PHACTR2: variants seen among roughly 807,000 people sequenced by gnomAD.
PHACTR2 encodes the protein phosphatase and actin regulator 2.
In PHACTR2, 30 loss-of-function variants were observed where a neutral mutation model predicts 76.0. That is an observed-to-expected ratio of 0.39 (90% confidence interval 0.30 to 0.54). PHACTR2 has a LOEUF of 0.54. Ranked by LOEUF, PHACTR2 falls within the 20% of genes least tolerant of loss-of-function variation. The pLI, the probability that PHACTR2 is intolerant of heterozygous loss-of-function variation, is 0.61. For missense variants in PHACTR2, 696 were observed against 781.1 expected (o/e 0.89, Z 1.30); for synonymous variants, 292 against 292.5 (o/e 1.00, Z 0.02).
At position 143,557,154 on chromosome 6, in the gene PHACTR2, T is replaced by C. The variant is rs554280653; in HGVS notation, c.217+19947T>C. Reference sequence around the variant, plus strand: ...ACTTCCTGAAGGGTTAAAGGCCAGGTAATGGCCATTCACATTATTTTGCAA... The same window carrying C: ...ACTTCCTGAAGGGTTAAAGGCCAGGCAATGGCCATTCACATTATTTTGCAA... On this transcript the variant is annotated intron_variant, in intron 1 of 11. Transcript: ENST00000367584. The surrounding 1 kb of genome is among the most constrained non-coding windows in gnomAD (Gnocchi z 5.5). 1.4e-4 allele frequency among the ~76,000 whole-genome samples: 21 copies of C among 152,346 alleles called. No individual in the cohort carries two copies. In the East Asian group the frequency reaches 4.1e-3, roughly 29 times the overall value.
chr6:143,704,988 G>A (rs10457751), intron 1 of PHACTR2, among the ~76,000 whole-genome samples: 63,157 of 150,864 alleles, frequency 0.42, 13,762 homozygotes, highest in Middle Eastern at 0.57. Context: ...CACCATGCCC[G>A]GATAATGTTT....
chr6:143,594,056 A>C (rs1775722423), intron 1 of PHACTR2, among the ~76,000 whole-genome samples: 1 of 152,208 alleles, frequency 6.6e-6, no homozygotes, highest in South Asian at 2.1e-4. Context: ...ATGCTCCAAA[A>C]TCTGAAACTT....
At chr6:143,638,265 T>A (rs1300406413) in intron 1 of PHACTR2, among the ~76,000 whole-genome samples, 2 of 152,158 alleles carry the variant, frequency 1.3e-5, no homozygotes, top group African/African-American at 4.8e-5. Context: ...GAATGCCAGG[T>A]GCAGTGGCTC....
intron 4 of PHACTR2, among the ~76,000 whole-genome samples, chr6:143,758,888 T>C (rs1014876931): frequency 2.0e-5 from 3 of 152,156 alleles, no homozygotes; most frequent in African/African-American, 7.2e-5. Flanking sequence ...AATTCTATAC[T>C]TCACACTCAT....
chr6:143,545,163 T>G (rs574817698), intron 1 of PHACTR2, among the ~76,000 whole-genome samples: 1 of 152,288 alleles, frequency 6.6e-6, no homozygotes, highest in East Asian at 1.9e-4. Context: ...CAGGATGGTC[T>G]CGAACTCCTG....
At chr6:143,691,200 T>G (rs2128456135) in intron 1 of PHACTR2, among the ~76,000 whole-genome samples, 1 of 152,270 alleles carries the variant, frequency 6.6e-6, no homozygotes, top group African/African-American at 2.4e-5. Flanking sequence ...CAACTTATGA[T>G]GGGATTACAT....
At chr6:143,613,873 G>C (rs1047106454) in intron 1 of PHACTR2, among the ~76,000 whole-genome samples, 1 of 152,030 alleles carries the variant, frequency 6.6e-6, no homozygotes, top group African/African-American at 2.4e-5. Flanking sequence ...TAGCATTCAG[G>C]CAATTTTAAG....
chr6:143,823,763 T>C lies in PHACTR2; in HGVS notation c.*74T>C. On this transcript the variant is annotated 3_prime_UTR_variant, in exon 13 of 13. Transcript: ENST00000440869. This position sits in a 1 kb window ranked among gnomAD's most constrained non-coding sequence, Gnocchi z 5.7. ...GCCCTGCTTCCTGAAAACCTGATATTGCACTGGGATTTGAATGTGTGTGTT... is the reference window on the plus strand; with the variant it reads ...GCCCTGCTTCCTGAAAACCTGATATCGCACTGGGATTTGAATGTGTGTGTT... The C allele has an allele frequency of 8.6e-7, 1 of 1,163,346 alleles. No homozygotes were observed. Among genetic ancestry groups the C allele is most frequent in the Non-Finnish European group, 1.3e-6 (1 of 770,180 alleles). The allele number at this position is 1,163,346 out of a possible 1,614,324, so 72.1% of individuals were successfully genotyped here. A position where few individuals can be genotyped will look rare whatever the true frequency, so the allele number is the denominator to read the frequency against.
At chr6:143,726,769 G>C (rs1399712460) in intron 2 of PHACTR2, among the ~76,000 whole-genome samples, 2 of 152,082 alleles carry the variant, frequency 1.3e-5, no homozygotes, top group African/African-American at 4.8e-5. Flanking sequence ...GTGGTATTTT[G>C]TCATGGTTTT....
rs1355047806 is a variant in PHACTR2, at chr6:143,795,559, A to G, written c.1845+6649A>G. On this transcript the variant is annotated intron_variant, in intron 11 of 12. Coordinates refer to ENST00000440869, the MANE Select transcript of PHACTR2 (RefSeq NM_001100164.2). This position sits in a 1 kb window ranked among gnomAD's most constrained non-coding sequence, Gnocchi z 4.8. ...ACGAGCTGGCCCTTCAGTGGCAGAG[A>G]GGTGAGGTCAGAGAAGGCCATTGAA... 6.6e-6 allele frequency among the ~76,000 whole-genome samples: 1 copy of G among 152,202 alleles called. No homozygotes were observed. Among genetic ancestry groups the G allele is most frequent in the Non-Finnish European group, 1.5e-5 (1 of 68,038 alleles).
Position 143,821,067 on chromosome 6 carries a change from C to G in PHACTR2, c.1923-2607C>G, listed in dbSNP as rs1372448564. ...TGGCTGGGATGCAGGGAACAATGTC[C>G]TGAGGCTGCACGAGGCAGCAGGGCC... On this transcript the variant is annotated intron_variant, in intron 12 of 12. Coordinates refer to ENST00000440869, the MANE Select transcript of PHACTR2 (RefSeq NM_001100164.2). This position sits in a 1 kb window ranked among gnomAD's most constrained non-coding sequence, Gnocchi z 5.2. Among the ~76,000 whole-genome samples the G allele has an allele frequency of 1.3e-5, 2 of 152,246 alleles. No individual in the cohort carries two copies. The highest frequency in any genetic ancestry group is 2.9e-5 in the Non-Finnish European group (2 of 68,044).
intron 2 of PHACTR2, among the ~76,000 whole-genome samples, chr6:143,727,584 G>A (rs572857351): frequency 2.2e-4 from 27 of 124,406 alleles, no homozygotes; most frequent in African/African-American, 4.3e-4. Flanking sequence ...TACCAACACC[G>A]TGTAAGAGTT....
Position 143,806,525 on chromosome 6 carries a change from G to C in PHACTR2, c.1846-532G>C, listed in dbSNP as rs182210816. 3.3e-5 allele frequency among the ~76,000 whole-genome samples: 5 copies of C among 152,268 alleles called. No individual in the cohort carries two copies. Among genetic ancestry groups the C allele is most frequent in the African/African-American group, 1.2e-4 (5 of 41,530 alleles). On this transcript the variant is annotated intron_variant, in intron 11 of 12. Transcript: ENST00000440869. The surrounding 1 kb of genome is among the most constrained non-coding windows in gnomAD (Gnocchi z 5.8). ...GGTCATCGTGGGTGGGGGATGTTCC[G>C]TGTGACTCATAGACCAGACTCAAGG...
chr6:143,659,421 G>A lies in PHACTR2; in HGVS notation c.13+51099G>A, dbSNP rs1046388771. Among the ~76,000 whole-genome samples the A allele has an allele frequency of 5.3e-5, 8 of 152,286 alleles. No homozygotes were observed. In the South Asian group the frequency reaches 6.2e-4, roughly 12 times the overall value. ...CAGTCAAGGTGTCAGTAGGGATGTC[G>A]TCTCATCCAAGGCTTGACTGAGGAA... On this transcript the variant is annotated intron_variant, in intron 1 of 11. Coordinates refer to the PHACTR2 transcript ENST00000305766. This position sits in a 1 kb window ranked among gnomAD's most constrained non-coding sequence, Gnocchi z 5.0.
At position 143,739,356 on chromosome 6, in the gene PHACTR2, C is replaced by A. The variant is rs1229532085; in HGVS notation, c.215-9629C>A. Among the ~76,000 whole-genome samples the A allele has an allele frequency of 6.6e-6, 1 of 152,210 alleles. No individual in the cohort carries two copies. Among genetic ancestry groups the A allele is most frequent in the Admixed American group, 6.5e-5 (1 of 15,284 alleles). On this transcript the variant is annotated intron_variant, in intron 2 of 12. Transcript: ENST00000440869. This position sits in a 1 kb window ranked among gnomAD's most constrained non-coding sequence, Gnocchi z 4.3. ...GGGATTACAGGTGTGAGCCACCGCA[C>A]CCGGCTGCGAGATTCACTTTAAAAT...
In PHACTR2 at chr6:143,743,742, T is replaced by G. The variant is rs569727582; in HGVS notation, c.215-5243T>G. On this transcript the variant is annotated intron_variant, in intron 2 of 12. Transcript: ENST00000440869. The surrounding 1 kb of genome is among the most constrained non-coding windows in gnomAD (Gnocchi z 5.0). The stretch of plus-strand genomic sequence containing the variant: ...CTGTCACAGTTTTACAGTGAGGCCA[T>G]TCAGTACTCAGAACTGAGAAGATAG... Among the ~76,000 whole-genome samples the G allele has an allele frequency of 7.0e-4, 107 of 152,342 alleles. 1 individual carries two copies. Among genetic ancestry groups the G allele is most frequent in the Admixed American group, 1.9e-3 (29 of 15,308 alleles).
rs528520863 is a variant in PHACTR2, at chr6:143,654,306, A to G, written c.13+45984A>G. 2.0e-5 allele frequency among the ~76,000 whole-genome samples: 3 copies of G among 152,318 alleles called. No homozygotes were observed. Among genetic ancestry groups the G allele is most frequent in the South Asian group, 4.1e-4 (2 of 4,826 alleles). On this transcript the variant is annotated intron_variant, in intron 1 of 11. Coordinates refer to the PHACTR2 transcript ENST00000305766. The surrounding 1 kb of genome is among the most constrained non-coding windows in gnomAD (Gnocchi z 4.6). ...GGCAGTTCCTCAAACAATCAATCAT[A>G]GAGTTACCATATGAACAGCAATTCT...
rs1332595167 is a variant in PHACTR2, at chr6:143,801,022, C to G, written c.1846-6035C>G. On this transcript the variant is annotated intron_variant, in intron 11 of 12. Coordinates refer to ENST00000440869, the MANE Select transcript of PHACTR2 (RefSeq NM_001100164.2). This position sits in a 1 kb window ranked among gnomAD's most constrained non-coding sequence, Gnocchi z 4.6. ...TTTCTTTAAGAATGTTGAATATTGA[C>G]CCCCACTCTCTTCTGGCTGGTAGGG... Among the ~76,000 whole-genome samples the G allele has an allele frequency of 6.6e-6, 1 of 152,144 alleles. No individual in the cohort carries two copies. The highest frequency in any genetic ancestry group is 1.5e-5 in the Non-Finnish European group (1 of 68,034).
Position 143,753,618 on chromosome 6 carries a change from C to T in PHACTR2, c.296-136C>T, listed in dbSNP as rs995638944. The T allele has an allele frequency of 7.0e-6, 4 of 572,988 alleles. No homozygotes were observed. Among genetic ancestry groups the T allele is most frequent in the Admixed American group, 3.6e-5 (1 of 28,012 alleles). The allele number at this position is 572,988 out of a possible 1,614,324, so 35.5% of individuals were successfully genotyped here. On this transcript the variant is annotated intron_variant, in intron 3 of 12. Coordinates refer to ENST00000440869, the MANE Select transcript of PHACTR2 (RefSeq NM_001100164.2). This position sits in a 1 kb window ranked among gnomAD's most constrained non-coding sequence, Gnocchi z 4.6. Reference sequence around the variant, plus strand: ...TCTAGCTCTTTTGTTTTGAATAAACCGGTGAAACAGTGCAGGGTGTATTTG... The same window carrying T: ...TCTAGCTCTTTTGTTTTGAATAAACTGGTGAAACAGTGCAGGGTGTATTTG...
Sources: gnomAD v4.1 joint callset for allele counts (sites outside exome capture counted in the v4.1 genomes callset) on GRCh38, gnomAD v4.1.1 for gene constraint, Gnocchi (gnomAD v3.1) non-coding constraint, MANE v1.5 for transcripts, NCBI Gene and HGNC (gene_info 2026-07-23, HGNC 2026-07-21) for gene names.